CXCL13: variants seen among roughly 807,000 people sequenced by gnomAD.
The protein encoded by CXCL13 is C-X-C motif chemokine ligand 13.
A neutral mutation model predicts 12.2 loss-of-function variants in CXCL13; 7 were observed. The observed-to-expected ratio is 0.57, with a 90% CI of 0.33 to 1.07. CXCL13 has a LOEUF of 1.07. Ranked by LOEUF, CXCL13 falls within the 50% of genes least tolerant of loss-of-function variation. The pLI is 0.04. For synonymous variants in CXCL13, 47 were observed against 42.4 expected, an observed-to-expected ratio of 1.11 and a Z score of -0.42; for missense variants, 113 against 127.4, an observed-to-expected ratio of 0.89 and a Z score of 0.55.
chr4:77,601,526 A>G, upstream of CXCL13, among the ~76,000 whole-genome samples: 1 of 152,242 alleles, frequency 6.6e-6, no homozygotes, highest in South Asian at 2.1e-4. Flanking sequence ...AGTGTGGATG[A>G]TCAGCGTCAA....
chr4:77,589,328 A>G lies in CXCL13; in HGVS notation c.-42-16496A>G, dbSNP rs547005435. 2.0e-5 allele frequency among the ~76,000 whole-genome samples: 3 copies of G among 152,202 alleles called. No individual in the cohort carries two copies. In the South Asian group the frequency reaches 6.2e-4, roughly 32 times the overall value. On this transcript the variant is annotated intron_variant, in intron 1 of 4. Transcript: ENST00000286758. ...TTTGTCCAGCACATCCACACCATCT[A>G]TGTATCCAGCCCTTTGTCACTTAGT...
rs1226037108 is a variant in CXCL13, at chr4:77,532,027, G to A, written c.-43+20239G>A. 2.0e-5 allele frequency among the ~76,000 whole-genome samples: 3 copies of A among 152,236 alleles called. No homozygotes were observed. The East Asian group carries it at 5.8e-4, about 29-fold the overall frequency. The stretch of plus-strand genomic sequence containing the variant: ...TTTGCCAGTCTGTGTCTTTTAATTG[G>A]AGCATTTAGCCCATTTACATTTAAG... On this transcript the variant is annotated intron_variant, in intron 1 of 4. Coordinates refer to the CXCL13 transcript ENST00000286758.
intron 1 of CXCL13, among the ~76,000 whole-genome samples, chr4:77,527,090 A>C (rs1011176940): frequency 4.6e-5 from 7 of 152,212 alleles, no homozygotes; most frequent in African/African-American, 1.7e-4. Flanking sequence ...AAAATATATC[A>C]CTGACATTTC....
intron 1 of CXCL13, among the ~76,000 whole-genome samples, chr4:77,513,489 T>C (rs1278807091): frequency 6.6e-6 from 1 of 151,916 alleles, no homozygotes; most frequent in Non-Finnish European, 1.5e-5. Flanking sequence ...TCTCACTCTA[T>C]TGCCCAGGCT....
chr4:77,523,903 G>A (rs1192195465), intron 1 of CXCL13, among the ~76,000 whole-genome samples: 2 of 151,426 alleles, frequency 1.3e-5, no homozygotes, highest in Admixed American at 6.6e-5. Flanking sequence ...TGGTGTAGAT[G>A]TCCTTTTGTT....
At position 77,575,254 on chromosome 4, in the gene CXCL13, G is replaced by A. The variant is rs77894983; in HGVS notation, c.-42-30570G>A. 3.6e-3 allele frequency among the ~76,000 whole-genome samples: 547 copies of A among 151,822 alleles called. 16 individuals carry two copies. Among genetic ancestry groups the A allele is most frequent in the African/African-American group, 0.013 (520 of 41,222 alleles). On this transcript the variant is annotated intron_variant, in intron 1 of 4. Transcript: ENST00000286758. The stretch of plus-strand genomic sequence containing the variant: ...CAAAGTAAATAATTTAAGGAAATCC[G>A]GAATTCTATCTAATAACATCAAGTG...
intron 1 of CXCL13, among the ~76,000 whole-genome samples, chr4:77,561,917 G>A (rs953171607): frequency 7.2e-5 from 11 of 152,156 alleles, no homozygotes; most frequent in South Asian, 2.1e-4. Flanking sequence ...CCTGGGCTGC[G>A]CCCAGTGCTT....
At chr4:77,520,634 C>A (rs952363131) in intron 1 of CXCL13, among the ~76,000 whole-genome samples, 1 of 152,152 alleles carries the variant, frequency 6.6e-6, no homozygotes, top group Non-Finnish European at 1.5e-5. Flanking sequence ...ATGGGGTTTT[C>A]TAAATATACA....
intron 1 of CXCL13, among the ~76,000 whole-genome samples, chr4:77,562,834 C>A (rs1055222689): frequency 6.6e-6 from 1 of 152,106 alleles, no homozygotes; most frequent in Non-Finnish European, 1.5e-5. Flanking sequence ...AGCACTCTGT[C>A]AAAACGGACC....
chr4:77,567,686 A>G (rs762605016), intron 1 of CXCL13, among the ~76,000 whole-genome samples: 27 of 152,328 alleles, frequency 1.8e-4, no homozygotes, highest in Middle Eastern at 6.8e-3. Flanking sequence ...CTCACTGCTT[A>G]TCTGCTAATT....
At chr4:77,586,787 G>A (rs529039330) in intron 1 of CXCL13, among the ~76,000 whole-genome samples, 9 of 152,134 alleles carry the variant, frequency 5.9e-5, no homozygotes, top group Non-Finnish European at 1.2e-4. Flanking sequence ...GGGGCACTTC[G>A]GGGTACAATT....
At chr4:77,603,828 C>T (rs1365854830), upstream of CXCL13, among the ~76,000 whole-genome samples, 12 of 152,166 alleles carry the variant, frequency 7.9e-5, no homozygotes, top group Admixed American at 5.2e-4. Flanking sequence ...TTATTGAATA[C>T]ATTCTACATG....
At chr4:77,572,331 G>A (rs556147276) in intron 1 of CXCL13, among the ~76,000 whole-genome samples, 14 of 152,048 alleles carry the variant, frequency 9.2e-5, no homozygotes, top group African/African-American at 3.1e-4. Context: ...AACCTGGGAG[G>A]TGGAGGTTGC....
At chr4:77,548,510 G>A (rs1404728792) in intron 1 of CXCL13, among the ~76,000 whole-genome samples, 1 of 152,214 alleles carries the variant, frequency 6.6e-6, no homozygotes, top group East Asian at 1.9e-4. Context: ...GAGCAATACT[G>A]TGGCTATCAT....
At chr4:77,561,002 A>G (rs542680099) in intron 1 of CXCL13, among the ~76,000 whole-genome samples, 3 of 152,180 alleles carry the variant, frequency 2.0e-5, no homozygotes, top group African/African-American at 4.8e-5. Context: ...AGTTAAGTTT[A>G]TTAGTGATGA....
At chr4:77,605,165 T>C (rs1726972688), upstream of CXCL13, among the ~76,000 whole-genome samples, 1 of 152,158 alleles carries the variant, frequency 6.6e-6, no homozygotes. Context: ...CTCAAGGCTG[T>C]TGTCTCCCTC....
chr4:77,529,771 T>A (rs967143109), intron 1 of CXCL13, among the ~76,000 whole-genome samples: 3 of 152,218 alleles, frequency 2.0e-5, no homozygotes, highest in Non-Finnish European at 4.4e-5. Flanking sequence ...CTTTATTTCC[T>A]TCTCCTGCCT....
chr4:77,572,682 C>T lies in CXCL13; in HGVS notation c.-42-33142C>T, dbSNP rs896208450. ...ATTGTGGAAGACAGTGAAGTGATAC[C>T]TTAAAGACTTAAAAACAGAGATACC... On this transcript the variant is annotated intron_variant, in intron 1 of 4. Coordinates refer to the CXCL13 transcript ENST00000286758. Among the ~76,000 whole-genome samples the T allele has an allele frequency of 5.9e-5, 9 of 151,958 alleles. No homozygotes were observed. In the South Asian group the frequency reaches 1.7e-3, roughly 28 times the overall value.
intron 1 of CXCL13, among the ~76,000 whole-genome samples, chr4:77,556,644 T>G (rs1029241971): frequency 6.6e-5 from 10 of 152,164 alleles, no homozygotes; most frequent in Non-Finnish European, 1.5e-4. Flanking sequence ...TCTTACAAAA[T>G]ACTAAAATAT....
Sources: gnomAD v4.1 joint callset for allele counts (sites outside exome capture counted in the v4.1 genomes callset) on GRCh38, gnomAD v4.1.1 for gene constraint, MANE v1.5 for transcripts, NCBI Gene and HGNC (gene_info 2026-07-23, HGNC 2026-07-21) for gene names.